SYNJ2: variants seen among roughly 807,000 people sequenced by gnomAD.
The protein encoded by SYNJ2 is synaptojanin 2.
A neutral mutation model predicts 141.3 loss-of-function variants in SYNJ2; 116 were observed. The observed-to-expected ratio is 0.82, with a 90% CI of 0.71 to 0.96. The LOEUF is 0.96. Among genes scored for constraint, SYNJ2 ranks in the 40% least tolerant of loss-of-function variants. The pLI is 0.00. For synonymous variants in SYNJ2, 745 were observed against 777.7 expected (o/e 0.96, Z 0.70); for missense variants, 1,873 against 1,934.8 (o/e 0.97, Z 0.60).
intron 1 of SYNJ2, chr6:158,001,772 T>C (rs757892413): frequency 6.6e-5 from 10 of 152,254 alleles, no homozygotes; most frequent in Non-Finnish European, 1.5e-5. Flanking sequence ...CTCCCAGGCT[T>C]GTCCCCCCTC....
intron 1 of SYNJ2, among the ~76,000 whole-genome samples, chr6:158,006,525 T>A (rs766489152): frequency 1.3e-5 from 2 of 152,196 alleles, no homozygotes. Flanking sequence ...TTCTTGTATC[T>A]TCTTGGTCAC....
In SYNJ2 at chr6:157,982,208, G is replaced by T; in HGVS notation, c.127+120G>T. 1 of 1,203,912 alleles carries T rather than the reference G, an allele frequency of 8.3e-7. No individual in the cohort carries two copies. The highest frequency in any genetic ancestry group is 3.2e-5 in the East Asian group (1 of 30,988). 74.6% of individuals were successfully genotyped at this position (1,203,912 alleles called of 1,614,324 possible). On this transcript the variant is annotated intron_variant, in intron 1 of 26. Transcript: ENST00000355585. This position sits in a 1 kb window ranked among gnomAD's most constrained non-coding sequence, Gnocchi z 4.0. ...CGGGCGGCGCTGGGACTGCCGGGGC[G>T]TAGGGGTCGCGCGCAGAGGGGTGGC...
At chr6:158,088,441 A>T (rs1783222011) in intron 23 of SYNJ2, among the ~76,000 whole-genome samples, 1 of 152,172 alleles carries the variant, frequency 6.6e-6, no homozygotes. Context: ...CAGATCATCT[A>T]CATCAATAGG....
chr6:158,094,036 C>CGGTTACTAGAACCGAGGGAA, intron 26 of SYNJ2: 1 of 763,534 alleles, frequency 1.3e-6, no homozygotes, highest in Non-Finnish European at 2.4e-6. Flanking sequence ...AACGGACCCT[C>CGGTTACTAGAACCGAGGGAA]GGTAATCCCT....
intron 4 of SYNJ2, among the ~76,000 whole-genome samples, chr6:158,034,258 C>T (rs1779523477): frequency 6.6e-6 from 1 of 152,090 alleles, no homozygotes; most frequent in African/African-American, 2.4e-5. Context: ...TGCTGTCTTA[C>T]AACTTTTAAA....
At chr6:158,080,654 A>G (rs1040725530) in intron 18 of SYNJ2, among the ~76,000 whole-genome samples, 10 of 152,122 alleles carry the variant, frequency 6.6e-5, no homozygotes, top group African/African-American at 2.2e-4. Flanking sequence ...TTGGAACTCT[A>G]TGTAAAGTGC....
rs1583460344 is a variant in SYNJ2, at chr6:158,070,954, A to G, written c.1941-648A>G. 2.0e-5 allele frequency among the ~76,000 whole-genome samples: 3 copies of G among 152,168 alleles called. No individual in the cohort carries two copies. The stretch of plus-strand genomic sequence containing the variant: ...TCCCAGCACTTTGGGAGGCCAAGGC[A>G]GGCAGATCACTTGAGGTGAGGAGTT... On this transcript the variant is annotated intron_variant, in intron 14 of 26. Transcript: ENST00000355585. This position sits in a 1 kb window ranked among gnomAD's most constrained non-coding sequence, Gnocchi z 4.0.
At chr6:157,999,767 G>A (rs1777766991) in intron 1 of SYNJ2, among the ~76,000 whole-genome samples, 1 of 152,228 alleles carries the variant, frequency 6.6e-6, no homozygotes, top group African/African-American at 2.4e-5. Context: ...CAGGCATCCC[G>A]GGCAGGTAGT....
At chr6:158,037,137 G>A (rs1195310824) in intron 4 of SYNJ2, among the ~76,000 whole-genome samples, 2 of 152,150 alleles carry the variant, frequency 1.3e-5, no homozygotes, top group Admixed American at 6.6e-5. Flanking sequence ...CTGGGTGGCC[G>A]AAAACAACAC....
chr6:157,983,574 T>C (rs921819291), intron 1 of SYNJ2, among the ~76,000 whole-genome samples: 1 of 152,238 alleles, frequency 6.6e-6, no homozygotes, highest in African/African-American at 2.4e-5. Context: ...CAAGAATTCT[T>C]TGAAGCAGCT....
chr6:158,078,132 A>T, intron 17 of SYNJ2, 32 bp from the exon 18 acceptor site: 1 of 1,393,890 alleles, frequency 7.2e-7, no homozygotes, highest in Non-Finnish European at 1.0e-6. Flanking sequence ...TCGATTCTAT[A>T]TGGGTCTCTC....
chr6:158,022,909 C>T (rs1343814950), intron 2 of SYNJ2, among the ~76,000 whole-genome samples: 1 of 152,164 alleles, frequency 6.6e-6, no homozygotes, highest in African/African-American at 2.4e-5. Flanking sequence ...GAGTCAGCGA[C>T]CCCCCACAGC....
At chr6:158,087,791 TA>T (rs1277831788) in intron 23 of SYNJ2, among the ~76,000 whole-genome samples, 1 of 151,888 alleles carries the variant, frequency 6.6e-6, no homozygotes, top group Non-Finnish European at 1.5e-5. Context: ...AACAAAATTT[TA>T]AAATTCACTT....
In SYNJ2 at chr6:158,054,964, T is replaced by G; in HGVS notation, c.796-3T>G. 1 of 1,614,096 alleles carries G rather than the reference T, an allele frequency of 6.2e-7. No individual in the cohort carries two copies. The highest frequency in any genetic ancestry group is 8.5e-7 in the Non-Finnish European group (1 of 1,180,024). ...TCACTGTTGTTACTTCTCTTTGCTT[T>G]AGGTTGGCTCCCATCATCTGAGACT... On this transcript the variant is annotated splice_region_variant and splice_polypyrimidine_tract_variant and intron_variant, in intron 5 of 26. Coordinates refer to ENST00000355585, the MANE Select transcript of SYNJ2 (RefSeq NM_003898.4).
At chr6:158,056,194 A>G (rs1367880584) in intron 6 of SYNJ2, among the ~76,000 whole-genome samples, 3 of 152,228 alleles carry the variant, frequency 2.0e-5, no homozygotes, top group Non-Finnish European at 4.4e-5. Flanking sequence ...GAGCTTTCTT[A>G]AAAAATACAT....
At chr6:158,055,353 T>C (rs986271466) in intron 6 of SYNJ2, among the ~76,000 whole-genome samples, 3 of 152,196 alleles carry the variant, frequency 2.0e-5, no homozygotes, top group African/African-American at 7.2e-5. Flanking sequence ...TGAAGCTGTT[T>C]GTTTTTTGTT....
intron 1 of SYNJ2, among the ~76,000 whole-genome samples, chr6:158,015,334 G>A (rs1778412254): frequency 6.6e-6 from 1 of 152,166 alleles, no homozygotes; most frequent in Admixed American, 6.5e-5. Flanking sequence ...AGGTAGAGAG[G>A]GAACCAGCTG....
chr6:158,044,425 G>A (rs1780124995), intron 5 of SYNJ2, among the ~76,000 whole-genome samples: 1 of 152,168 alleles, frequency 6.6e-6, no homozygotes, highest in Non-Finnish European at 1.5e-5. Context: ...ATGAATGGAG[G>A]TCTCGTTTAG....
chr6:158,073,927 A>T (rs6918896), intron 15 of SYNJ2, among the ~76,000 whole-genome samples: 105,314 of 150,258 alleles, frequency 0.7, 37,128 homozygotes, highest in East Asian at 0.88. Context: ...TCTAAGAGAG[A>T]GCTGGTGGTA....
Sources: allele counts gnomAD v4.1 joint callset (sites outside exome capture counted in the v4.1 genomes callset), GRCh38; gene constraint gnomAD v4.1.1; non-coding constraint Gnocchi (gnomAD v3.1); transcripts MANE v1.5; gene names NCBI Gene and HGNC (gene_info 2026-07-23, HGNC 2026-07-21).